NEGR1: variants seen among roughly 807,000 people sequenced by gnomAD.
NEGR1 encodes neuronal growth regulator 1, also known as IgLON family member 4.
Under a neutral mutation model 40.9 loss-of-function variants are expected in NEGR1, and 10 were observed. That is an observed-to-expected ratio of 0.24 (90% CI 0.15 to 0.42). The LOEUF (loss-of-function observed/expected upper bound fraction) is 0.42, where lower values mean the gene tolerates loss of function less well. Ranked by LOEUF, NEGR1 falls within the 10% of genes least tolerant of loss-of-function variation. The pLI is 1.00. For synonymous variants in NEGR1, 185 were observed against 166.8 expected (o/e 1.11, Z -0.84); for missense variants, 352 against 438.9 (o/e 0.80, Z 1.77).
chr1:72,014,343 AG>A (rs148311313), intron 1 of NEGR1, among the ~76,000 whole-genome samples: 14,464 of 152,032 alleles, frequency 0.095, 770 homozygotes, highest in Middle Eastern at 0.17. Context: ...ATAAGTGGTA[AG>A]TGATATTGAA....
chr1:71,532,620 C>T (rs992199783), intron 6 of NEGR1, among the ~76,000 whole-genome samples: 6 of 151,568 alleles, frequency 4.0e-5, no homozygotes, highest in South Asian at 4.1e-4. Context: ...TATTCTACAA[C>T]GTGACACATA....
At chr1:72,272,724 C>T (rs1004941487) in intron 1 of NEGR1, among the ~76,000 whole-genome samples, 2 of 151,894 alleles carry the variant, frequency 1.3e-5, no homozygotes, top group Non-Finnish European at 2.9e-5. Context: ...TACGCTAATA[C>T]ACACACAAAC....
chr1:71,704,158 C>A (rs947832159), intron 3 of NEGR1, among the ~76,000 whole-genome samples: 4 of 135,476 alleles, frequency 3.0e-5, no homozygotes, highest in African/African-American at 1.2e-4. Context: ...CTCTCTCTCT[C>A]TCTGTCACAC....
intron 1 of NEGR1, among the ~76,000 whole-genome samples, chr1:72,026,667 C>G (rs986408981): frequency 5.3e-5 from 8 of 152,104 alleles, no homozygotes; most frequent in African/African-American, 1.9e-4. Flanking sequence ...TGGCCACCAA[C>G]TGCATAACTA....
At chr1:71,467,712 A>G (rs1646756018) in intron 6 of NEGR1, among the ~76,000 whole-genome samples, 1 of 67,568 alleles carries the variant, frequency 1.5e-5, no homozygotes. Flanking sequence ...ATATTCTTCT[A>G]TTTGAAGCAA....
chr1:72,091,239 A>G (rs1034259791), intron 1 of NEGR1, among the ~76,000 whole-genome samples: 8 of 152,198 alleles, frequency 5.3e-5, no homozygotes, highest in African/African-American at 1.7e-4. Context: ...GTAAAGACAT[A>G]CATGGTCATG....
intron 1 of NEGR1, among the ~76,000 whole-genome samples, chr1:71,993,246 A>G (rs949587036): frequency 1.3e-5 from 2 of 152,194 alleles, no homozygotes; most frequent in African/African-American, 4.8e-5. Flanking sequence ...TATTCCCTTA[A>G]TAGCTTTCTT....
chr1:71,555,211 G>A (rs931728660), intron 6 of NEGR1, among the ~76,000 whole-genome samples: 4 of 150,902 alleles, frequency 2.7e-5, no homozygotes, highest in Admixed American at 6.6e-5. Context: ...GGTTTAGACC[G>A]CTAGCCATTC....
At chr1:71,798,902 A>G (rs1657441227) in intron 2 of NEGR1, among the ~76,000 whole-genome samples, 1 of 152,148 alleles carries the variant, frequency 6.6e-6, no homozygotes, top group African/African-American at 2.4e-5. Context: ...TGGGGTGTAA[A>G]CAGTTTATAT....
chr1:71,520,154 G>A (rs1647145806), intron 6 of NEGR1, among the ~76,000 whole-genome samples: 1 of 152,068 alleles, frequency 6.6e-6, no homozygotes, highest in South Asian at 2.1e-4. Flanking sequence ...AGCTCTCTCA[G>A]CTTCAGATTC....
intron 1 of NEGR1, among the ~76,000 whole-genome samples, chr1:72,211,458 T>C (rs1052500890): frequency 9.2e-5 from 14 of 151,524 alleles, no homozygotes; most frequent in Admixed American, 2.6e-4. Flanking sequence ...ATCAGTTATA[T>C]ATGGTGAGCC....
chr1:71,592,988 C>G lies in NEGR1; in HGVS notation c.789-20G>C. On this transcript the variant is annotated intron_variant, in intron 5 of 6. Transcript: ENST00000357731. ...AAGAGCCTAGAAGACAAAATAAGCT[C>G]TAGGTAAATATGTATTGTGAATACC... is the stretch of plus-strand genomic sequence containing the variant. The G allele has an allele frequency of 6.3e-7, 1 of 1,588,186 alleles. No individual in the cohort carries two copies. The highest frequency in any genetic ancestry group is 1.3e-5 in the African/African-American group (1 of 74,556).
chr1:72,209,139 T>A (rs964590330), intron 1 of NEGR1, among the ~76,000 whole-genome samples: 1 of 151,652 alleles, frequency 6.6e-6, no homozygotes, highest in African/African-American at 2.4e-5. Flanking sequence ...TTTTTTCTTA[T>A]TATTAAACTC....
At chr1:71,545,115 AAAC>A (rs1214325924) in intron 6 of NEGR1, among the ~76,000 whole-genome samples, 1 of 151,622 alleles carries the variant, frequency 6.6e-6, no homozygotes, top group Non-Finnish European at 1.5e-5. Flanking sequence ...CCCCAACCAA[AAAC>A]AACAACAAAA....
intron 2 of NEGR1, among the ~76,000 whole-genome samples, chr1:71,922,224 T>C (rs1029721170): frequency 1.3e-5 from 2 of 152,132 alleles, no homozygotes; most frequent in African/African-American, 4.8e-5. Flanking sequence ...AGACACCGCC[T>C]GTGACAATAA....
At chr1:71,815,343 G>T (rs1338077443) in intron 2 of NEGR1, among the ~76,000 whole-genome samples, 1 of 152,072 alleles carries the variant, frequency 6.6e-6, no homozygotes, top group Non-Finnish European at 1.5e-5. Context: ...ATTGATTTTA[G>T]AGTAAGTGCC....
chr1:71,903,765 T>A (rs773472174), intron 2 of NEGR1, among the ~76,000 whole-genome samples: 2 of 151,728 alleles, frequency 1.3e-5, no homozygotes, highest in Non-Finnish European at 3.0e-5. Flanking sequence ...CATAGCCCTC[T>A]TATTACTACA....
chr1:71,821,727 C>G (rs1275063228), intron 2 of NEGR1, among the ~76,000 whole-genome samples: 1 of 152,008 alleles, frequency 6.6e-6, no homozygotes, highest in African/African-American at 2.4e-5. Context: ...CTGTAGACAT[C>G]ATGACATTTG....
At chr1:72,102,834 C>G (rs939274261) in intron 1 of NEGR1, among the ~76,000 whole-genome samples, 1 of 152,004 alleles carries the variant, frequency 6.6e-6, no homozygotes, top group Non-Finnish European at 1.5e-5. Flanking sequence ...ATCCAAGTAT[C>G]TCTCAATAAA....
Sources: gnomAD v4.1 joint callset for allele counts (sites outside exome capture counted in the v4.1 genomes callset) on GRCh38, gnomAD v4.1.1 for gene constraint, MANE v1.5 for transcripts, NCBI Gene and HGNC (gene_info 2026-07-23, HGNC 2026-07-21) for gene names.